The following STXBP5L variants were observed in gnomAD, a reference collection of about 807,000 sequenced individuals.
The protein encoded by STXBP5L is syntaxin binding protein 5L.
Under a neutral mutation model 144.5 loss-of-function variants are expected in STXBP5L, and 65 were observed. That is an observed-to-expected ratio of 0.45 (90% CI 0.37 to 0.55). The LOEUF is 0.55. STXBP5L is among the 20% of genes least tolerant of loss of function. The pLI is 0.00. For missense variants in STXBP5L, 1,298 were observed against 1,405.5 expected, an observed-to-expected ratio of 0.92 and a Z score of 1.22; for synonymous variants, 505 against 469.6, an observed-to-expected ratio of 1.08 and a Z score of -0.97.
intron 9 of STXBP5L, among the ~76,000 whole-genome samples, chr3:121,165,682 G>C (rs1259902321): frequency 1.3e-5 from 2 of 152,162 alleles, no homozygotes; most frequent in Admixed American, 1.3e-4. Flanking sequence ...TCAGCAAAGC[G>C]AGAGTCCTGC....
chr3:121,209,718 T>C (rs561950674), intron 10 of STXBP5L, among the ~76,000 whole-genome samples: 10 of 152,276 alleles, frequency 6.6e-5, no homozygotes, highest in African/African-American at 2.2e-4. Flanking sequence ...TTGCTGAGAA[T>C]GATGGTTTCC....
chr3:121,010,402 G>A (rs1404403128), intron 3 of STXBP5L, among the ~76,000 whole-genome samples: 2 of 151,534 alleles, frequency 1.3e-5, no homozygotes, highest in East Asian at 1.9e-4. Context: ...TTTCCCTTTG[G>A]TGTCTAATAT....
At chr3:121,408,592 G>T (rs1267067807) in intron 23 of STXBP5L, among the ~76,000 whole-genome samples, 1 of 151,990 alleles carries the variant, frequency 6.6e-6, no homozygotes, top group African/African-American at 2.4e-5. Context: ...ATGAAGAGTT[G>T]TTGGGAGGAC....
chr3:121,114,051 GGTCT>G (rs1228976048), intron 5 of STXBP5L, among the ~76,000 whole-genome samples: 5 of 151,854 alleles, frequency 3.3e-5, no homozygotes, highest in Admixed American at 1.3e-4. Flanking sequence ...AAAATTTATT[GGTCT>G]GTCTGACAAG....
At chr3:121,295,072 G>C (rs182651356) in intron 19 of STXBP5L, among the ~76,000 whole-genome samples, 167 of 152,244 alleles carry the variant, frequency 1.1e-3, no homozygotes, top group African/African-American at 3.9e-3. Flanking sequence ...ACCTGGATTG[G>C]AGTAAGATGT....
In STXBP5L at chr3:120,912,616, G is replaced by T. The variant is rs1037751288; in HGVS notation, c.189+2849G>T. Among the ~76,000 whole-genome samples the T allele has an allele frequency of 6.1e-5, 9 of 147,924 alleles. No individual in the cohort carries two copies. In the South Asian group the frequency reaches 1.1e-3, roughly 17 times the overall value. On this transcript the variant is annotated intron_variant, in intron 2 of 26. Transcript: ENST00000471454. ...AATGGCAGAAGAAACTTTGGTTCAA[G>T]GTCAGCCAAAAAAAAAAAAAAGTTA...
At chr3:120,957,744 G>A (rs1030140039) in intron 3 of STXBP5L, among the ~76,000 whole-genome samples, 1 of 152,052 alleles carries the variant, frequency 6.6e-6, no homozygotes, top group African/African-American at 2.4e-5. Flanking sequence ...GGATCTCTGG[G>A]ACACATTTAA....
At chr3:121,272,392 A>G (rs1293266313) in intron 18 of STXBP5L, among the ~76,000 whole-genome samples, 2 of 152,106 alleles carry the variant, frequency 1.3e-5, no homozygotes, top group African/African-American at 4.8e-5. Flanking sequence ...TCTTTGTCTT[A>G]TGACAGTTTT....
At chr3:121,366,665 A>G (rs564310005) in intron 20 of STXBP5L, among the ~76,000 whole-genome samples, 1 of 152,064 alleles carries the variant, frequency 6.6e-6, no homozygotes, top group Non-Finnish European at 1.5e-5. Context: ...TAAACCATGT[A>G]TGGTTAGACT....
intron 3 of STXBP5L, among the ~76,000 whole-genome samples, chr3:120,992,126 C>G (rs748780951): frequency 5.9e-4 from 89 of 151,840 alleles, no homozygotes; most frequent in Non-Finnish European, 1.1e-3. Flanking sequence ...TGTCAATCTG[C>G]TTTTTTCTTT....
chr3:121,017,409 A>G (rs754047290), intron 3 of STXBP5L, among the ~76,000 whole-genome samples: 3 of 152,234 alleles, frequency 2.0e-5, no homozygotes, highest in Non-Finnish European at 4.4e-5. Context: ...AAGGATTTCT[A>G]TTTAACATCT....
chr3:121,421,533 C>G lies in STXBP5L; in HGVS notation c.*2436C>G, dbSNP rs2047352672. On this transcript the variant is annotated 3_prime_UTR_variant, in exon 27 of 27. Transcript: ENST00000471454. ...TTCACAGCCACTATTCTACATCATA[C>G]AAAGAGGTAGATTGTGTGAATATGT... 2 of 152,022 alleles carry G rather than the reference C, an allele frequency of 1.3e-5. No homozygotes were observed. The highest frequency in any genetic ancestry group is 2.4e-5 in the African/African-American group (1 of 41,384). 9.4% of individuals were successfully genotyped at this position (152,022 alleles called of 1,614,324 possible). A position where few individuals can be genotyped will look rare whatever the true frequency, so the allele number is the denominator to read the frequency against.
chr3:121,109,201 C>G (rs932563139), intron 5 of STXBP5L, among the ~76,000 whole-genome samples: 2 of 151,910 alleles, frequency 1.3e-5, no homozygotes, highest in Non-Finnish European at 2.9e-5. Flanking sequence ...GATTTGTTGA[C>G]TTTTTTGAAG....
chr3:121,209,038 G>T (rs901326350), intron 10 of STXBP5L, among the ~76,000 whole-genome samples: 2 of 152,040 alleles, frequency 1.3e-5, no homozygotes, highest in Non-Finnish European at 2.9e-5. Flanking sequence ...CTGTTCCGGT[G>T]TTAGTTTGCT....
rs559202767 is a variant in STXBP5L, at chr3:121,232,863, G to A, written c.1112-753G>A. 2.0e-5 allele frequency among the ~76,000 whole-genome samples: 3 copies of A among 152,286 alleles called. No individual in the cohort carries two copies. The South Asian group carries it at 6.2e-4, about 32-fold the overall frequency. Reference sequence around the variant, plus strand: ...GGATCTTGCCATAGGATGATGCCAGGAGGTATGCTCTGACTGGATCCTTCC... The same window carrying A: ...GGATCTTGCCATAGGATGATGCCAGAAGGTATGCTCTGACTGGATCCTTCC... On this transcript the variant is annotated intron_variant, in intron 11 of 26. Coordinates refer to ENST00000471454, the MANE Select transcript of STXBP5L (RefSeq NM_001308330.2).
At chr3:121,361,742 G>T (rs1447458399) in intron 20 of STXBP5L, among the ~76,000 whole-genome samples, 2 of 151,268 alleles carry the variant, frequency 1.3e-5, no homozygotes, top group African/African-American at 2.4e-5. Context: ...CAGCTATTTT[G>T]AGTTCTCTAT....
At chr3:121,234,729 G>C (rs946121699) in intron 12 of STXBP5L, among the ~76,000 whole-genome samples, 6 of 151,794 alleles carry the variant, frequency 4.0e-5, no homozygotes, top group African/African-American at 1.5e-4. Context: ...TGTAGGATTT[G>C]GGCCATTAAA....
At chr3:121,342,454 G>C (rs1432047416) in intron 20 of STXBP5L, among the ~76,000 whole-genome samples, 1 of 151,116 alleles carries the variant, frequency 6.6e-6, no homozygotes, top group Admixed American at 6.6e-5. Context: ...CCATTAACTC[G>C]TCATTTAGCA....
chr3:121,038,358 T>G (rs1309288643), intron 3 of STXBP5L, among the ~76,000 whole-genome samples: 2 of 152,000 alleles, frequency 1.3e-5, no homozygotes, highest in African/African-American at 2.4e-5. Flanking sequence ...TTATCTACTG[T>G]TTTTTATCAA....
Sources: gnomAD v4.1 joint callset for allele counts (sites outside exome capture counted in the v4.1 genomes callset) on GRCh38, gnomAD v4.1.1 for gene constraint, MANE v1.5 for transcripts, NCBI Gene and HGNC (gene_info 2026-07-23, HGNC 2026-07-21) for gene names.